PLCB4: variants seen among roughly 807,000 people sequenced by gnomAD.
The protein encoded by PLCB4 is phospholipase C beta 4.
PLCB4 carries 77 observed loss-of-function variants against 178.8 expected under a neutral mutation model. The observed-to-expected ratio is 0.43, with a 90% confidence interval of 0.36 to 0.52. PLCB4 has a LOEUF of 0.52. Ranked by LOEUF, PLCB4 falls within the 20% of genes least tolerant of loss-of-function variation. PLCB4 has a pLI of 0.00. For synonymous variants in PLCB4, 496 were observed against 490.8 expected (o/e 1.01, Z -0.14); for missense variants, 1,024 against 1,453.4 (o/e 0.70, Z 4.80).
At chr20:9,414,910 A>G (rs960826067) in intron 25 of PLCB4, among the ~76,000 whole-genome samples, 5 of 152,216 alleles carry the variant, frequency 3.3e-5, no homozygotes, top group African/African-American at 9.6e-5. Context: ...TTTTTTATAC[A>G]GCATTTCTCC....
intron 34 of PLCB4, among the ~76,000 whole-genome samples, chr20:9,458,403 A>G (rs1428090259): frequency 6.6e-6 from 1 of 152,264 alleles, no homozygotes; most frequent in Non-Finnish European, 1.5e-5. Context: ...CTTGGCATCA[A>G]TAAGAAAAGC....
intron 7 of PLCB4, among the ~76,000 whole-genome samples, chr20:9,342,994 G>A (rs951758270): frequency 6.6e-6 from 1 of 152,114 alleles, no homozygotes; most frequent in Non-Finnish European, 1.5e-5. Context: ...GTAACCCATG[G>A]TAGACATGTA....
chr20:9,396,201 G>A (rs562952281), intron 19 of PLCB4, among the ~76,000 whole-genome samples: 1 of 152,284 alleles, frequency 6.6e-6, no homozygotes, highest in South Asian at 2.1e-4. Flanking sequence ...AGCACTTGCT[G>A]TAGTAGGCAG....
chr20:9,331,660 A>C (rs993351384), intron 4 of PLCB4, among the ~76,000 whole-genome samples: 1 of 152,218 alleles, frequency 6.6e-6, no homozygotes, highest in Non-Finnish European at 1.5e-5. Flanking sequence ...AAAAATGTTT[A>C]ATGTTAGTTG....
At chr20:9,298,696 A>G (rs528039420) in intron 3 of PLCB4, among the ~76,000 whole-genome samples, 1 of 152,210 alleles carries the variant, frequency 6.6e-6, no homozygotes, top group South Asian at 2.1e-4. Context: ...CACCTAATAA[A>G]TTTATAAAGG....
chr20:9,394,841 T>A (rs1211416007), intron 18 of PLCB4, among the ~76,000 whole-genome samples: 1 of 152,176 alleles, frequency 6.6e-6, no homozygotes, highest in Non-Finnish European at 1.5e-5. Context: ...AGTGCCTGTT[T>A]CCCACCAATA....
intron 12 of PLCB4, among the ~76,000 whole-genome samples, chr20:9,378,327 G>A (rs1203170501): frequency 6.6e-6 from 1 of 151,948 alleles, no homozygotes; most frequent in Non-Finnish European, 1.5e-5. Context: ...ACAGTGCTGG[G>A]GTCTAAAAAG....
intron 38 of PLCB4, among the ~76,000 whole-genome samples, chr20:9,475,323 C>T (rs1334384789): frequency 6.6e-6 from 1 of 152,154 alleles, no homozygotes; most frequent in Non-Finnish European, 1.5e-5. Flanking sequence ...AGCCGAAGTA[C>T]ATAATTTTTA....
At chr20:9,358,687 G>A (rs777165506) in intron 7 of PLCB4, among the ~76,000 whole-genome samples, 5 of 152,048 alleles carry the variant, frequency 3.3e-5, no homozygotes, top group Admixed American at 3.3e-4. Context: ...CTGAGGTCAG[G>A]AGTTCAACAC....
chr20:9,299,725 C>G (rs1275721493), intron 3 of PLCB4, among the ~76,000 whole-genome samples: 1 of 151,844 alleles, frequency 6.6e-6, no homozygotes, highest in South Asian at 2.1e-4. Context: ...TTATATAAGG[C>G]CAATATTTTT....
At chr20:9,236,822 G>A (rs1007975180) in intron 3 of PLCB4, among the ~76,000 whole-genome samples, 1 of 152,130 alleles carries the variant, frequency 6.6e-6, no homozygotes, top group Non-Finnish European at 1.5e-5. Flanking sequence ...TGTGATTTTG[G>A]ATAAAAGTTG....
At chr20:9,220,916 G>A (rs573561782) in intron 3 of PLCB4, among the ~76,000 whole-genome samples, 16 of 152,230 alleles carry the variant, frequency 1.1e-4, no homozygotes, top group East Asian at 5.8e-4. Context: ...TCAAACTCTT[G>A]AGTGTTACAG....
intron 33 of PLCB4, among the ~76,000 whole-genome samples, chr20:9,456,557 G>C (rs2043069630): frequency 6.6e-6 from 1 of 152,200 alleles, no homozygotes; most frequent in Admixed American, 6.5e-5. Context: ...TCAGATGAGA[G>C]TGTTGAATAA....
chr20:9,290,955 G>T (rs1490203815), intron 3 of PLCB4, among the ~76,000 whole-genome samples: 2 of 152,120 alleles, frequency 1.3e-5, no homozygotes, highest in Non-Finnish European at 2.9e-5. Flanking sequence ...AAGACTCAGA[G>T]GGTTAAGGGG....
At chr20:9,387,024 TGGGATTACAGCCTCCCAAGTAGCC>T (rs2148392402) in intron 14 of PLCB4, among the ~76,000 whole-genome samples, 1 of 152,004 alleles carries the variant, frequency 6.6e-6, no homozygotes, top group Admixed American at 6.5e-5. Context: ...CCCAGGTAGC[TGGGATTACAGCCTCCCAAGTAGCC>T]ATCACACCTG....
At chr20:9,301,188 C>G (rs1206294302) in intron 3 of PLCB4, among the ~76,000 whole-genome samples, 1 of 151,844 alleles carries the variant, frequency 6.6e-6, no homozygotes, top group Non-Finnish European at 1.5e-5. Context: ...AGATCTTTCG[C>G]TTAATCTCAT....
At chr20:9,356,823 A>G (rs1480255274) in intron 7 of PLCB4, among the ~76,000 whole-genome samples, 4 of 152,210 alleles carry the variant, frequency 2.6e-5, no homozygotes, top group Non-Finnish European at 5.9e-5. Context: ...CCATTCACTT[A>G]AACAAAAATG....
chr20:9,457,835 A>C (rs1313247093), intron 34 of PLCB4, among the ~76,000 whole-genome samples: 1 of 152,232 alleles, frequency 6.6e-6, no homozygotes. Flanking sequence ...ATAACATTAA[A>C]CATAGGACAG....
chr20:9,294,053 G>A (rs960189753), intron 3 of PLCB4, among the ~76,000 whole-genome samples: 3 of 152,134 alleles, frequency 2.0e-5, no homozygotes, highest in African/African-American at 7.2e-5. Context: ...TAGAATCCTT[G>A]TGTTTTAACA....
Sources: allele counts gnomAD v4.1 joint callset (sites outside exome capture counted in the v4.1 genomes callset), GRCh38; gene constraint gnomAD v4.1.1; transcripts MANE v1.5; gene names NCBI Gene and HGNC (gene_info 2026-07-23, HGNC 2026-07-21).